RBFOX1: variants seen among roughly 807,000 people sequenced by gnomAD.
The protein encoded by RBFOX1 is RNA binding protein fox-1 homolog 1.
Under a neutral mutation model 57.7 loss-of-function variants are expected in RBFOX1, and 8 were observed. The observed-to-expected ratio is 0.14, with a 90% CI of 0.08 to 0.25. The LOEUF is 0.25. Ranked by LOEUF, RBFOX1 falls within the 10% of genes least tolerant of loss-of-function variation. The probability of loss-of-function intolerance (pLI) is 1.00; values close to 1 mark genes in which losing one functional copy is unlikely to be tolerated. For missense variants in RBFOX1, 611 were observed against 548.5 expected (o/e 1.11, Z -1.14); for synonymous variants, 326 against 222.4 (o/e 1.47, Z -4.15).
chr16:6,174,081 C>T (rs1014257058), intron 1 of RBFOX1, among the ~76,000 whole-genome samples: 3 of 152,136 alleles, frequency 2.0e-5, no homozygotes, highest in Non-Finnish European at 4.4e-5. Flanking sequence ...GAGTTCATCA[C>T]CCTGTGGTTG....
At position 5,737,330 on chromosome 16, in the gene RBFOX1, A is replaced by G. The variant is rs1222875270; in HGVS notation, c.319-129973A>G. Among the ~76,000 whole-genome samples the G allele has an allele frequency of 3.9e-5, 6 of 152,168 alleles. No individual in the cohort carries two copies. In the South Asian group the frequency reaches 8.3e-4, roughly 21 times the overall value. The stretch of plus-strand genomic sequence containing the variant: ...AAAACTCGGTCTCTCCTAAAAGTAC[A>G]AAAAGTTACCCAGGCGTGGTGGCGT... On this transcript the variant is annotated intron_variant, in intron 3 of 19. Transcript: ENST00000641259.
At chr16:6,362,935 A>G (rs1156477574) in intron 2 of RBFOX1, among the ~76,000 whole-genome samples, 1 of 152,184 alleles carries the variant, frequency 6.6e-6, no homozygotes, top group Non-Finnish European at 1.5e-5. Flanking sequence ...TGTGTGATAC[A>G]TGAGCAAGGC....
intron 3 of RBFOX1, among the ~76,000 whole-genome samples, chr16:6,952,061 TG>T (rs927275076): frequency 6.2e-4 from 94 of 152,340 alleles, no homozygotes; most frequent in African/African-American, 2.1e-3. Context: ...CATACGTGGT[TG>T]ATCAGATACA....
chr16:5,512,554 G>T (rs773446486), intron 2 of RBFOX1, among the ~76,000 whole-genome samples: 2 of 152,120 alleles, frequency 1.3e-5, no homozygotes, highest in Non-Finnish European at 2.9e-5. Context: ...TCATTTATGA[G>T]CTCTGTGACC....
intron 3 of RBFOX1, among the ~76,000 whole-genome samples, chr16:7,037,303 A>C (rs1332234925): frequency 7.7e-6 from 1 of 129,942 alleles, no homozygotes; most frequent in African/African-American, 3.0e-5. Context: ...GTGCACCGGC[A>C]CAATCTTGGC....
At chr16:6,904,786 G>C (rs1473687655) in intron 3 of RBFOX1, among the ~76,000 whole-genome samples, 1 of 152,028 alleles carries the variant, frequency 6.6e-6, no homozygotes, top group Non-Finnish European at 1.5e-5. Flanking sequence ...GGCTACTTGT[G>C]TTACACAAAG....
intron 1 of RBFOX1, among the ~76,000 whole-genome samples, chr16:5,395,278 A>T (rs1279102799): frequency 2.0e-5 from 3 of 152,040 alleles, no homozygotes; most frequent in African/African-American, 7.2e-5. Context: ...CTGCAAGGCA[A>T]CTCCTCCAGG....
intron 4 of RBFOX1, 79 bp downstream of exon 4, chr16:7,052,177 A>G: frequency 1.9e-6 from 3 of 1,539,998 alleles, no homozygotes; most frequent in Non-Finnish European, 2.6e-6. Context: ...CTCTCCCAAG[A>G]CACGGGTTCT....
chr16:5,255,354 C>CCATCCATCCATCCCTCCATCCATCCA (rs1555468931), intron 1 of RBFOX1, among the ~76,000 whole-genome samples: 153 of 86,320 alleles, frequency 1.8e-3, no homozygotes, highest in Admixed American at 4.4e-3. Context: ...CCATCCATCC[C>CCATCCATCCATCCCTCCATCCATCCA]TCCATCCATC....
intron 4 of RBFOX1, among the ~76,000 whole-genome samples, chr16:7,303,610 G>A (rs2096086543): frequency 6.6e-6 from 1 of 152,088 alleles, no homozygotes; most frequent in South Asian, 2.1e-4. Flanking sequence ...CGAAGGGGAG[G>A]GAAGGAAAAA....
At chr16:7,025,873 G>A (rs141342933) in intron 3 of RBFOX1, among the ~76,000 whole-genome samples, 1 of 152,254 alleles carries the variant, frequency 6.6e-6, no homozygotes, top group East Asian at 1.9e-4. Context: ...CAACCAGGAT[G>A]AGCTGCTTAA....
intron 12 of RBFOX1, 56 bp downstream of exon 12, chr16:7,654,003 G>C (rs1043513018): frequency 1.4e-6 from 2 of 1,437,030 alleles, no homozygotes; most frequent in African/African-American, 2.9e-5. Flanking sequence ...CCTCCCCAGA[G>C]GCACGGAGCT....
At chr16:6,080,497 G>T (rs979024355) in intron 1 of RBFOX1, among the ~76,000 whole-genome samples, 1 of 152,162 alleles carries the variant, frequency 6.6e-6, no homozygotes, top group East Asian at 1.9e-4. Context: ...GGAGCCTCAA[G>T]TCTGGAGGGG....
intron 3 of RBFOX1, among the ~76,000 whole-genome samples, chr16:6,771,234 C>T (rs1603618937): frequency 6.6e-6 from 1 of 152,134 alleles, no homozygotes; most frequent in Admixed American, 6.5e-5. Context: ...TGAACTTCTA[C>T]CCTCCAGAAT....
At chr16:7,610,118 CTTT>C (rs34468596) in intron 10 of RBFOX1, among the ~76,000 whole-genome samples, 5 of 65,620 alleles carry the variant, frequency 7.6e-5, no homozygotes, top group African/African-American at 8.0e-5. Flanking sequence ...GCCCGGCCCC[CTTT>C]TTTTTTTTTT....
At chr16:7,547,016 C>G (rs1349189702) in intron 5 of RBFOX1, among the ~76,000 whole-genome samples, 1 of 152,108 alleles carries the variant, frequency 6.6e-6, no homozygotes, top group Non-Finnish European at 1.5e-5. Flanking sequence ...CCAATTTAAA[C>G]TCCCACCAAG....
intron 1 of RBFOX1, among the ~76,000 whole-genome samples, chr16:6,285,900 C>G (rs1022634019): frequency 6.6e-6 from 1 of 152,142 alleles, no homozygotes; most frequent in Non-Finnish European, 1.5e-5. Flanking sequence ...AACAATAAAT[C>G]ATCAGTCACA....
chr16:5,468,989 G>A (rs1211660635), intron 2 of RBFOX1, among the ~76,000 whole-genome samples: 3 of 152,224 alleles, frequency 2.0e-5, no homozygotes, highest in Non-Finnish European at 4.4e-5. Context: ...GCTCTTGGTA[G>A]GTGTCTGCCC....
chr16:7,481,088 C>G (rs769872911), intron 4 of RBFOX1, among the ~76,000 whole-genome samples: 1 of 152,168 alleles, frequency 6.6e-6, no homozygotes. Flanking sequence ...CTCCTTACAT[C>G]TGGACAGTTG....
Sources: allele counts gnomAD v4.1 joint callset (sites outside exome capture counted in the v4.1 genomes callset), GRCh38; gene constraint gnomAD v4.1.1; transcripts MANE v1.5; gene names NCBI Gene and HGNC (gene_info 2026-07-23, HGNC 2026-07-21).